The following H2BC5 variants were observed in gnomAD, a reference collection of about 807,000 sequenced individuals.
H2BC5 encodes H2B clustered histone 5, also known as histone H2B type 1-D.
Under a neutral mutation model 5.7 loss-of-function variants are expected in H2BC5, and 9 were observed. That is an observed-to-expected ratio of 1.57 (90% confidence interval 0.95 to 2.74). The LOEUF (loss-of-function observed/expected upper bound fraction) is 2.74, where lower values mean the gene tolerates loss of function less well. Ranked by LOEUF, H2BC5 falls within the 30% of genes most tolerant of loss-of-function variation. The pLI is 0.00. For missense variants in H2BC5, 175 were observed against 168.8 expected, an observed-to-expected ratio of 1.04 and a Z score of -0.20; for synonymous variants, 133 against 70.9, an observed-to-expected ratio of 1.88 and a Z score of -4.40.
chr6:26,164,268 C>G (rs367583938), intron 1 of H2BC5: 331 of 283,998 alleles, frequency 1.2e-3, no homozygotes, highest in African/African-American at 7.0e-3. Flanking sequence ...ATACCACCCA[C>G]TGGCCAGCCC....
chr6:26,159,243 G>GTTTTTTTTTTTTTT (rs35999697), downstream of H2BC5, among the ~76,000 whole-genome samples: 2 of 61,402 alleles, frequency 3.3e-5, no homozygotes, highest in Non-Finnish European at 3.1e-5. Context: ...TAATTTATAG[G>GTTTTTTTTTTTTTT]TTTTTTTTTT....
downstream of H2BC5, among the ~76,000 whole-genome samples, chr6:26,159,068 C>T (rs891276613): frequency 6.6e-5 from 10 of 151,992 alleles, no homozygotes; most frequent in African/African-American, 2.2e-4. Flanking sequence ...GGAACTATTA[C>T]AAAGGTTTCT....
intron 1 of H2BC5, among the ~76,000 whole-genome samples, chr6:26,164,731 A>G (rs753221182): frequency 1.3e-5 from 2 of 151,898 alleles, no homozygotes; most frequent in Non-Finnish European, 2.9e-5. Context: ...CCAGCCAACT[A>G]TGCAGCCCAC....
downstream of H2BC5, among the ~76,000 whole-genome samples, chr6:26,159,557 A>G (rs534909614): frequency 6.6e-6 from 1 of 151,910 alleles, no homozygotes; most frequent in Non-Finnish European, 1.5e-5. Flanking sequence ...AGAATCTCGG[A>G]AAAGAGTCGG....
rs941288960 is a variant in H2BC5, at chr6:26,158,502, C to T, written c.333C>T (p.Ala111=). The T allele has an allele frequency of 1.9e-6, 3 of 1,614,224 alleles. No homozygotes were observed. Among genetic ancestry groups the T allele is most frequent in the Admixed American group, 1.7e-5 (1 of 60,030 alleles). The change falls in exon 1 of 1, where the codon GCC becomes GCT. Residue 111 remains alanine (A), a synonymous_variant. Transcript: ENST00000377777. ...LLLPGELAKH[A]VSEGTKAVTK... ...TTCCGGGGGAGCTGGCCAAGCACGC[C>T]GTGTCGGAGGGCACCAAGGCCGTCA...
downstream of H2BC5, among the ~76,000 whole-genome samples, chr6:26,161,831 G>A (rs1259201425): frequency 1.3e-5 from 2 of 152,100 alleles, no homozygotes; most frequent in Non-Finnish European, 2.9e-5. Flanking sequence ...ATGATCTGAC[G>A]TTGACCTAAT....
chr6:26,159,880 A>C (rs1764324781), downstream of H2BC5, among the ~76,000 whole-genome samples: 1 of 152,230 alleles, frequency 6.6e-6, no homozygotes, highest in African/African-American at 2.4e-5. Flanking sequence ...CTAAGAAAGT[A>C]AACTCAGAGC....
Position 26,169,979 on chromosome 6 carries a change from T to C in H2BC5, c.*10-996T>C, listed in dbSNP as rs111227778. Among the ~76,000 whole-genome samples the C allele has an allele frequency of 5.4e-4, 82 of 151,580 alleles. 2 individuals carry two copies. Among genetic ancestry groups the C allele is most frequent in the Non-Finnish European group, 8.1e-4 (55 of 67,812 alleles). On this transcript the variant is annotated intron_variant, in intron 1 of 1. Coordinates refer to the H2BC5 transcript ENST00000289316. ...GAACTAAAAGAAACCCACAGCAGAA[T>C]GTGGTAGAAAGATAGAGAAAAAACA...
downstream of H2BC5, among the ~76,000 whole-genome samples, chr6:26,162,074 A>C (rs2113834536): frequency 6.6e-6 from 1 of 152,318 alleles, no homozygotes; most frequent in East Asian, 1.9e-4. Context: ...TGAATTAATT[A>C]AGCTCTCCAA....
intron 1 of H2BC5, chr6:26,164,128 TC>T (rs1764387400): frequency 1.8e-5 from 8 of 449,100 alleles, no homozygotes; most frequent in Middle Eastern, 3.6e-4. Flanking sequence ...TCTGAGTAGA[TC>T]CCCCCGTGGG....
chr6:26,163,458 G>T (rs554067284), downstream of H2BC5: 1 of 152,242 alleles, frequency 6.6e-6, no homozygotes, highest in African/African-American at 2.4e-5. Context: ...TAGCTAGGTG[G>T]TTATGGCTCC....
chr6:26,171,049 G>A (rs1454287330), exon 2 of H2BC5: 2 of 152,134 alleles, frequency 1.3e-5, no homozygotes, highest in Non-Finnish European at 2.9e-5. Context: ...TAGAACTTAG[G>A]AAGTCTCATC....
At chr6:26,158,651 G>A, downstream of H2BC5, 3 of 1,523,862 alleles carry the variant, frequency 2.0e-6, 1 homozygote, top group Non-Finnish European at 8.9e-7. Context: ...CAAAAGGGGG[G>A]TTATTGGACT....
intron 1 of H2BC5, among the ~76,000 whole-genome samples, chr6:26,168,416 C>T (rs1366768813): frequency 6.6e-6 from 1 of 151,330 alleles, no homozygotes; most frequent in African/African-American, 2.4e-5. Flanking sequence ...TGAGATCACG[C>T]CATTGCATTC....
intron 1 of H2BC5, among the ~76,000 whole-genome samples, chr6:26,168,516 G>A (rs1262017529): frequency 6.6e-6 from 1 of 151,292 alleles, no homozygotes; most frequent in East Asian, 1.9e-4. Context: ...GCAAAAAAAT[G>A]TAAAAAATTT....
At chr6:26,161,855 G>A (rs1321497423), downstream of H2BC5, among the ~76,000 whole-genome samples, 2 of 152,090 alleles carry the variant, frequency 1.3e-5, no homozygotes, top group African/African-American at 4.8e-5. Flanking sequence ...AGTACCAGAA[G>A]AAACAATCAG....
At chr6:26,159,136 GA>G (rs1315773947), downstream of H2BC5, among the ~76,000 whole-genome samples, 1 of 152,042 alleles carries the variant, frequency 6.6e-6, no homozygotes, top group Non-Finnish European at 1.5e-5. Flanking sequence ...GTGGGGCAGG[GA>G]AAGGCGGATC....
At chr6:26,166,703 T>A (rs1338173664) in intron 1 of H2BC5, among the ~76,000 whole-genome samples, 1 of 144,664 alleles carries the variant, frequency 6.9e-6, no homozygotes, top group Non-Finnish European at 1.5e-5. Flanking sequence ...TTTTTTTTTT[T>A]TTTTTTTTTT....
downstream of H2BC5, among the ~76,000 whole-genome samples, chr6:26,159,264 T>G (rs1371346806): frequency 1.4e-5 from 2 of 143,888 alleles, no homozygotes; most frequent in Non-Finnish European, 3.0e-5. Flanking sequence ...TTTTTTTTTT[T>G]TTTTTTTTGG....
Sources: gnomAD v4.1 joint callset for allele counts (sites outside exome capture counted in the v4.1 genomes callset) on GRCh38, gnomAD v4.1.1 for gene constraint, MANE v1.5 for transcripts, NCBI Gene and HGNC (gene_info 2026-07-23, HGNC 2026-07-21) for gene names.